The following CFAP77 variants were observed in gnomAD, a reference collection of about 807,000 sequenced individuals.
CFAP77 encodes cilia and flagella associated protein 77.
Under a neutral mutation model 31.1 loss-of-function variants are expected in CFAP77, and 25 were observed. The ratio of observed to expected loss-of-function variants is 0.80; its 90% CI spans 0.59 to 1.12. CFAP77 has a LOEUF of 1.12. Among genes scored for constraint, CFAP77 ranks in the 50% most tolerant of loss-of-function variants. The probability of loss-of-function intolerance (pLI) is 0.00; values close to 1 mark genes in which losing one functional copy is unlikely to be tolerated. For missense variants in CFAP77, 377 were observed against 397.3 expected (o/e 0.95, Z 0.44); for synonymous variants, 151 against 159.9 (o/e 0.94, Z 0.42).
At chr9:132,516,705 A>G (rs1216848106) in intron 3 of CFAP77, among the ~76,000 whole-genome samples, 1 of 152,082 alleles carries the variant, frequency 6.6e-6, no homozygotes, top group African/African-American at 2.4e-5. Flanking sequence ...TTTATTCTAC[A>G]GTTACCATTG....
chr9:132,421,859 A>G (rs1255990577), intron 1 of CFAP77, among the ~76,000 whole-genome samples: 2 of 152,206 alleles, frequency 1.3e-5, no homozygotes, highest in Non-Finnish European at 2.9e-5. Context: ...GACTCACTAG[A>G]TGTCTCTAAG....
intron 3 of CFAP77, among the ~76,000 whole-genome samples, chr9:132,505,885 G>A (rs1340772661): frequency 1.3e-5 from 2 of 152,118 alleles, no homozygotes; most frequent in South Asian, 2.1e-4. Context: ...TCAGCTAACG[G>A]CAGCCTCTTT....
rs113690935 is a variant in CFAP77 at position 132,426,478 on chromosome 9, A to AC, written c.195+16019dup. 1.8e-3 allele frequency among the ~76,000 whole-genome samples: 127 copies of AC among 68,844 alleles called. No individual in the cohort carries two copies. In the South Asian group the frequency reaches 0.032, roughly 17 times the overall value. The allele number at this position is 68,844 out of a possible 152,430, so 45.2% of individuals were successfully genotyped here. ...AGGGAGGCCTAATGTCACATTCCCCACCCCCCCTCCCTGTTTCCCGCCAGT... is the reference window on the plus strand; with the variant it reads ...AGGGAGGCCTAATGTCACATTCCCCACCCCCCCCTCCCTGTTTCCCGCCAGT... On this transcript the variant is annotated intron_variant, in intron 1 of 5. Coordinates refer to ENST00000393216, the MANE Select transcript of CFAP77 (RefSeq NM_001282957.2).
At chr9:132,420,066 C>T (rs1298319277) in intron 1 of CFAP77, among the ~76,000 whole-genome samples, 1 of 151,154 alleles carries the variant, frequency 6.6e-6, no homozygotes, top group Non-Finnish European at 1.5e-5. Context: ...GAAACTGAGG[C>T]AGAAGGATCT....
chr9:132,446,689 A>C (rs577826060), intron 1 of CFAP77, among the ~76,000 whole-genome samples: 76 of 149,452 alleles, frequency 5.1e-4, no homozygotes, highest in South Asian at 4.5e-3. Flanking sequence ...TGCAGTGAGC[A>C]GAGATCACAC....
chr9:132,503,869 T>G lies in CFAP77; in HGVS notation c.524+4269T>G, dbSNP rs990406393. On this transcript the variant is annotated intron_variant, in intron 3 of 5. Coordinates refer to ENST00000393216, the MANE Select transcript of CFAP77 (RefSeq NM_001282957.2). ...TTCGAGACCAGCCTGGCCAATATGGTGAAACCTCGTCTCCACTAAAAATAC... is the reference window on the plus strand; with the variant it reads ...TTCGAGACCAGCCTGGCCAATATGGGGAAACCTCGTCTCCACTAAAAATAC... 3.3e-5 allele frequency among the ~76,000 whole-genome samples: 5 copies of G among 152,210 alleles called. No individual in the cohort carries two copies. The South Asian group carries it at 1.0e-3, about 32-fold the overall frequency.
rs1554748483 is a variant in CFAP77 at position 132,531,626 on chromosome 9, G to GGC, written c.525-5974_525-5973insCG. 2.4e-3 allele frequency among the ~76,000 whole-genome samples: 234 copies of GGC among 98,076 alleles called. 6 individuals carry two copies. Among genetic ancestry groups the GGC allele is most frequent in the African/African-American group, 0.012 (213 of 17,244 alleles). 64.3% of individuals were successfully genotyped at this position (98,076 alleles called of 152,430 possible). A position where few individuals can be genotyped will look rare whatever the true frequency, so the allele number is the denominator to read the frequency against. On this transcript the variant is annotated intron_variant, in intron 3 of 5. Transcript: ENST00000393216. ...TGAGTCTGGGCTTAGGCTAAGACAT[G>GGC]GGGGGGGGGGCATGGAAGGCATTTT...
rs1056144227 is a variant in CFAP77, at chr9:132,517,952, T to C, written c.524+18352T>C. On this transcript the variant is annotated intron_variant, in intron 3 of 5. Transcript: ENST00000393216. This position sits in a 1 kb window ranked among gnomAD's most constrained non-coding sequence, Gnocchi z 4.7. ...CAAGTAGGAGCTGATTTCATTTCAT[T>C]CCCCCTTTTTCGCTTTATGGGACTG... 2.0e-5 allele frequency among the ~76,000 whole-genome samples: 3 copies of C among 152,146 alleles called. No homozygotes were observed. The highest frequency in any genetic ancestry group is 2.9e-5 in the Non-Finnish European group (2 of 68,030).
chr9:132,497,921 G>T lies in CFAP77; in HGVS notation c.196-774G>T, dbSNP rs1193197130. Among the ~76,000 whole-genome samples the T allele has an allele frequency of 6.6e-6, 1 of 152,122 alleles. No individual in the cohort carries two copies. Among genetic ancestry groups the T allele is most frequent in the East Asian group, 1.9e-4 (1 of 5,186 alleles). On this transcript the variant is annotated intron_variant, in intron 1 of 5. Transcript: ENST00000393216. The surrounding 1 kb of genome is among the most constrained non-coding windows in gnomAD (Gnocchi z 4.9). ...ACCGCGTGGCAGGATGATCAAGAGC[G>T]CCAGTCAAGAGGACAGGCACGCCTC...
chr9:132,569,766 C>G (rs1042857924), intron 5 of CFAP77, among the ~76,000 whole-genome samples: 2 of 132,982 alleles, frequency 1.5e-5, no homozygotes. Context: ...GACGGAATCT[C>G]GCTCTGTTGT....
chr9:132,445,165 G>T (rs1850687838), intron 1 of CFAP77, among the ~76,000 whole-genome samples: 2 of 151,944 alleles, frequency 1.3e-5, no homozygotes, highest in African/African-American at 2.4e-5. Context: ...GTAGACACAG[G>T]GTTTTGCCAT....
At chr9:132,441,124 C>T (rs1352570536) in intron 1 of CFAP77, among the ~76,000 whole-genome samples, 3 of 152,142 alleles carry the variant, frequency 2.0e-5, no homozygotes, top group Non-Finnish European at 2.9e-5. Flanking sequence ...CAGTGGGACC[C>T]GCAGCCTTTG....
At chr9:132,534,544 G>A (rs369850777) in intron 3 of CFAP77, among the ~76,000 whole-genome samples, 3 of 150,690 alleles carry the variant, frequency 2.0e-5, no homozygotes, top group South Asian at 2.1e-4. Context: ...CCCAGGAGGC[G>A]GAGCTTGCAG....
intron 1 of CFAP77, among the ~76,000 whole-genome samples, chr9:132,485,676 C>A (rs192830733): frequency 6.6e-6 from 1 of 152,220 alleles, no homozygotes; most frequent in Non-Finnish European, 1.5e-5. Flanking sequence ...ACCAAACAGA[C>A]AAGTGACACT....
chr9:132,428,794 A>C (rs983316217), intron 1 of CFAP77, among the ~76,000 whole-genome samples: 2 of 147,144 alleles, frequency 1.4e-5, no homozygotes, highest in Admixed American at 1.4e-4. Context: ...CCTTCAGGGC[A>C]CAGTCAGCAC....
chr9:132,440,916 C>G (rs1850604682), intron 1 of CFAP77, among the ~76,000 whole-genome samples: 1 of 152,172 alleles, frequency 6.6e-6, no homozygotes, highest in South Asian at 2.1e-4. Flanking sequence ...CAGTAAACAC[C>G]TCCCACATAC....
Position 132,416,913 on chromosome 9 carries a change from A to G in CFAP77, c.195+6447A>G, listed in dbSNP as rs145294521. 8.6e-3 allele frequency among the ~76,000 whole-genome samples: 1,308 copies of G among 152,142 alleles called. 30 individuals are homozygous for G. The highest frequency in any genetic ancestry group is 0.03 in the African/African-American group (1,254 of 41,488). ...CAGCCTTCCAAAGTGCTGGGATTAC[A>G]GGTGTGAGCCACTGTGCCCGGCTGA... is the stretch of plus-strand genomic sequence containing the variant. On this transcript the variant is annotated intron_variant, in intron 1 of 5. Coordinates refer to ENST00000393216, the MANE Select transcript of CFAP77 (RefSeq NM_001282957.2).
chr9:132,491,484 C>T (rs529884375), intron 1 of CFAP77, among the ~76,000 whole-genome samples: 48 of 152,300 alleles, frequency 3.2e-4, no homozygotes, highest in African/African-American at 1.1e-3. Context: ...TGTAAAGTTC[C>T]TTGTGTGATC....
At chr9:132,411,582 C>G (rs1395023079) in intron 1 of CFAP77, among the ~76,000 whole-genome samples, 3 of 152,154 alleles carry the variant, frequency 2.0e-5, no homozygotes, top group African/African-American at 7.2e-5. Flanking sequence ...AGGCTCCTTT[C>G]TTAGGCCTCT....
Sources: gnomAD v4.1 joint callset for allele counts (sites outside exome capture counted in the v4.1 genomes callset) on GRCh38, gnomAD v4.1.1 for gene constraint, Gnocchi (gnomAD v3.1) non-coding constraint, MANE v1.5 for transcripts, NCBI Gene and HGNC (gene_info 2026-07-23, HGNC 2026-07-21) for gene names.